MAPK6: variants seen among roughly 807,000 people sequenced by gnomAD.
MAPK6 encodes mitogen-activated protein kinase 6, also known as ERK-3.
MAPK6 carries 19 observed loss-of-function variants against 59.3 expected under a neutral mutation model. That is an observed-to-expected ratio of 0.32 (90% CI 0.22 to 0.47). MAPK6 has a LOEUF of 0.47. Ranked by LOEUF, MAPK6 falls within the 20% of genes least tolerant of loss-of-function variation. The pLI is 1.00. For missense variants in MAPK6, 724 were observed against 847.9 expected (o/e 0.85, Z 1.81); for synonymous variants, 316 against 290.3 (o/e 1.09, Z -0.90).
chr15:52,063,674 C>CA (rs2032297010), intron 5 of MAPK6, among the ~76,000 whole-genome samples: 1 of 151,958 alleles, frequency 6.6e-6, no homozygotes, highest in South Asian at 2.1e-4. Context: ...AACTGGTGGA[C>CA]AAAAAACAAA....
At chr15:51,989,131 G>C (rs1260673652) in intron 2 of MAPK6, among the ~76,000 whole-genome samples, 3 of 148,592 alleles carry the variant, frequency 2.0e-5, no homozygotes, top group Non-Finnish European at 4.4e-5. Flanking sequence ...CTAGGCTGGA[G>C]TACAATGGCA....
At position 52,012,200 on chromosome 15, in the gene MAPK6, C is replaced by T. The variant is rs1009495864; in HGVS notation, c.-632+7798C>T. On this transcript the variant is annotated intron_variant, in intron 3 of 7. Transcript: ENST00000691380. Reference sequence around the variant, plus strand: ...ACAACCCTTTAGCAAATCTCTTCTGCAGGTTAATCAGACCCAATTCTCACA... The same window carrying T: ...ACAACCCTTTAGCAAATCTCTTCTGTAGGTTAATCAGACCCAATTCTCACA... 4.6e-5 allele frequency among the ~76,000 whole-genome samples: 7 copies of T among 152,342 alleles called. No homozygotes were observed. In the South Asian group the frequency reaches 1.2e-3, roughly 27 times the overall value.
At chr15:52,021,548 A>G (rs2030529989) in intron 1 of MAPK6, 1 of 152,140 alleles carries the variant, frequency 6.6e-6, no homozygotes, top group African/African-American at 2.4e-5. Context: ...ATTGTGTAAC[A>G]TTTGCTGAGA....
intron 1 of MAPK6, among the ~76,000 whole-genome samples, chr15:52,023,384 G>T (rs2030622137): frequency 6.6e-6 from 1 of 152,152 alleles, no homozygotes; most frequent in Non-Finnish European, 1.5e-5. Flanking sequence ...ACCTGCCAGT[G>T]GTGTGGGAAT....
intron 1 of MAPK6, among the ~76,000 whole-genome samples, chr15:52,029,408 C>A (rs2030942305): frequency 6.6e-6 from 1 of 151,482 alleles, no homozygotes; most frequent in South Asian, 2.1e-4. Context: ...TTTTTTTTCA[C>A]CCTCTTTTTC....
intron 1 of MAPK6, among the ~76,000 whole-genome samples, chr15:52,041,411 G>A (rs1023935032): frequency 1.1e-4 from 17 of 152,136 alleles, no homozygotes; most frequent in African/African-American, 2.7e-4. Context: ...GATCAGGCTG[G>A]TCTCGAACTC....
At chr15:51,990,165 G>T (rs1172112974) in intron 2 of MAPK6, among the ~76,000 whole-genome samples, 2 of 152,188 alleles carry the variant, frequency 1.3e-5, no homozygotes, top group Admixed American at 6.5e-5. Context: ...ATACAAAGAA[G>T]TTAGAAGACA....
chr15:52,005,687 G>A (rs908337295), intron 3 of MAPK6, among the ~76,000 whole-genome samples: 1 of 152,142 alleles, frequency 6.6e-6, no homozygotes, highest in African/African-American at 2.4e-5. Context: ...TCCTTGGACA[G>A]ACCCCACCCT....
At chr15:51,983,912 T>G (rs747330901) in intron 2 of MAPK6, among the ~76,000 whole-genome samples, 14 of 152,038 alleles carry the variant, frequency 9.2e-5, no homozygotes, top group Non-Finnish European at 1.8e-4. Flanking sequence ...TTTCCATGTC[T>G]AAGTTCAAGG....
At position 52,054,518 on chromosome 15, in the gene MAPK6, T is replaced by A. The variant is rs567927568; in HGVS notation, c.701-4115T>A. ...GAATCAGTTGACCACACATGTAAAATATCTTTTTGTGACCAAGTCTCAAAA... is the reference window on the plus strand; with the variant it reads ...GAATCAGTTGACCACACATGTAAAAAATCTTTTTGTGACCAAGTCTCAAAA... On this transcript the variant is annotated intron_variant, in intron 3 of 5. Coordinates refer to ENST00000261845, the MANE Select transcript of MAPK6 (RefSeq NM_002748.4). Among the ~76,000 whole-genome samples the A allele has an allele frequency of 2.1e-4, 32 of 152,286 alleles. No individual in the cohort carries two copies. In the South Asian group the frequency reaches 6.4e-3, roughly 31 times the overall value.
At chr15:51,983,858 A>G (rs1196477202) in intron 2 of MAPK6, among the ~76,000 whole-genome samples, 2 of 152,208 alleles carry the variant, frequency 1.3e-5, no homozygotes, top group South Asian at 4.1e-4. Context: ...GCAATTTGGT[A>G]TTATCTATCT....
At chr15:52,047,820 T>C (rs1326871741) in intron 2 of MAPK6, among the ~76,000 whole-genome samples, 1 of 152,184 alleles carries the variant, frequency 6.6e-6, no homozygotes, top group Non-Finnish European at 1.5e-5. Context: ...GAGCCTGTAC[T>C]ATTCAGTTCT....
intron 1 of MAPK6, among the ~76,000 whole-genome samples, chr15:52,037,011 G>A (rs1412899143): frequency 1.3e-5 from 2 of 152,112 alleles, no homozygotes; most frequent in Non-Finnish European, 2.9e-5. Flanking sequence ...TTAAAAATTA[G>A]GGAATTGGCC....
chr15:52,063,817 C>T, intron 5 of MAPK6, 85 bp from the exon 6 acceptor site: 2 of 1,219,240 alleles, frequency 1.6e-6, no homozygotes, highest in Non-Finnish European at 1.1e-6. Flanking sequence ...AGACCTAGCA[C>T]AGTGCTGTCA....
intron 2 of MAPK6, among the ~76,000 whole-genome samples, chr15:51,986,064 G>C (rs1262553690): frequency 6.6e-6 from 1 of 152,148 alleles, no homozygotes; most frequent in Non-Finnish European, 1.5e-5. Context: ...ATGAAGAAAA[G>C]AGGTTTAATT....
At chr15:51,979,607 A>G (rs941248883) in intron 1 of MAPK6, among the ~76,000 whole-genome samples, 2 of 151,714 alleles carry the variant, frequency 1.3e-5, no homozygotes, top group African/African-American at 4.8e-5. Context: ...AACTTGGGAA[A>G]TAAGGCGAAA....
At chr15:52,060,637 C>T (rs2032163265) in intron 4 of MAPK6, among the ~76,000 whole-genome samples, 3 of 151,972 alleles carry the variant, frequency 2.0e-5, no homozygotes, top group South Asian at 4.2e-4. Context: ...TTTCAGGCTG[C>T]GTGAGGAACT....
chr15:51,997,349 G>A (rs1235394762), intron 2 of MAPK6, among the ~76,000 whole-genome samples: 1 of 150,848 alleles, frequency 6.6e-6, no homozygotes, highest in South Asian at 2.1e-4. Flanking sequence ...TTGGCTCACT[G>A]CGACCTCTGC....
At chr15:51,975,006 C>T (rs996906628) in intron 1 of MAPK6, among the ~76,000 whole-genome samples, 14 of 151,502 alleles carry the variant, frequency 9.2e-5, no homozygotes, top group Admixed American at 2.6e-4. Flanking sequence ...CGTCAGCCAC[C>T]GCACCAGGCC....
Sources: allele counts gnomAD v4.1 joint callset (sites outside exome capture counted in the v4.1 genomes callset), GRCh38; gene constraint gnomAD v4.1.1; transcripts MANE v1.5; gene names NCBI Gene and HGNC (gene_info 2026-07-23, HGNC 2026-07-21).